Variants in GRIN3A observed in about 807,000 individuals in gnomAD.
GRIN3A encodes the protein glutamate ionotropic receptor NMDA type subunit 3A.
In GRIN3A, 47 loss-of-function variants were observed where a neutral mutation model predicts 92.4. That is an observed-to-expected ratio of 0.51 (90% CI 0.40 to 0.65). GRIN3A has a LOEUF of 0.65. GRIN3A is among the 30% of genes least tolerant of loss of function. The pLI is 0.00. For synonymous variants in GRIN3A, 527 were observed against 540.6 expected, an observed-to-expected ratio of 0.97 and a Z score of 0.35; for missense variants, 1,324 against 1,393.1, an observed-to-expected ratio of 0.95 and a Z score of 0.79.
At chr9:101,697,006 G>A (rs558983409) in intron 1 of GRIN3A, among the ~76,000 whole-genome samples, 3 of 151,980 alleles carry the variant, frequency 2.0e-5, no homozygotes, top group African/African-American at 4.8e-5. Flanking sequence ...TATATATATT[G>A]GTTTATCACT....
At chr9:101,573,773 A>ATTTTTTTTTT (rs5899448) in intron 8 of GRIN3A, among the ~76,000 whole-genome samples, 1 of 92,602 alleles carries the variant, frequency 1.1e-5, no homozygotes, top group Non-Finnish European at 2.1e-5. Context: ...GGTATGGTGC[A>ATTTTTTTTTT]TTTTTTTTTT....
At chr9:101,732,527 G>A (rs999630547) in intron 1 of GRIN3A, among the ~76,000 whole-genome samples, 3 of 152,096 alleles carry the variant, frequency 2.0e-5, no homozygotes, top group African/African-American at 7.2e-5. Flanking sequence ...CCAGGCAAGT[G>A]TGCAACCTAC....
At chr9:101,613,747 G>A (rs1682444469) in intron 5 of GRIN3A, among the ~76,000 whole-genome samples, 1 of 152,148 alleles carries the variant, frequency 6.6e-6, no homozygotes, top group African/African-American at 2.4e-5. Flanking sequence ...GAGAGGAATG[G>A]GCTGTGCACA....
chr9:101,685,664 T>C (rs1480404138), intron 2 of GRIN3A, among the ~76,000 whole-genome samples: 2 of 151,778 alleles, frequency 1.3e-5, no homozygotes, highest in African/African-American at 4.8e-5. Flanking sequence ...TTCTGAATCA[T>C]ATTGAGGAAC....
chr9:101,702,859 C>G (rs1024862151), intron 1 of GRIN3A, among the ~76,000 whole-genome samples: 2 of 152,198 alleles, frequency 1.3e-5, no homozygotes, highest in Non-Finnish European at 2.9e-5. Context: ...ACCAACTGCT[C>G]AGGCCAAAAA....
intron 6 of GRIN3A, among the ~76,000 whole-genome samples, chr9:101,611,926 A>C (rs187056699): frequency 1.3e-5 from 2 of 152,260 alleles, no homozygotes; most frequent in Non-Finnish European, 2.9e-5. Context: ...CAGAGGATGG[A>C]GTATTTGAGG....
chr9:101,702,602 C>A (rs117760148), intron 1 of GRIN3A, among the ~76,000 whole-genome samples: 17 of 152,208 alleles, frequency 1.1e-4, no homozygotes, highest in African/African-American at 4.1e-4. Flanking sequence ...ACTGTCTTTG[C>A]CTCTCTTCTT....
intron 6 of GRIN3A, among the ~76,000 whole-genome samples, chr9:101,601,643 G>A (rs1305201823): frequency 6.6e-6 from 1 of 152,110 alleles, no homozygotes; most frequent in Non-Finnish European, 1.5e-5. Context: ...AAACCTGTAG[G>A]GCAACCCTTG....
chr9:101,600,522 G>C (rs1294544220), intron 6 of GRIN3A, among the ~76,000 whole-genome samples: 2 of 152,150 alleles, frequency 1.3e-5, no homozygotes, highest in Non-Finnish European at 2.9e-5. Context: ...CATGGTACCA[G>C]GAGAGTTTGG....
chr9:101,597,294 C>A (rs1250641531), intron 6 of GRIN3A, among the ~76,000 whole-genome samples: 1 of 152,090 alleles, frequency 6.6e-6, no homozygotes, highest in African/African-American at 2.4e-5. Flanking sequence ...TCCATTTGAA[C>A]CTCATGGATG....
chr9:101,640,137 C>T (rs766083035), intron 3 of GRIN3A, among the ~76,000 whole-genome samples: 12 of 152,096 alleles, frequency 7.9e-5, no homozygotes, highest in Non-Finnish European at 1.6e-4. Context: ...ATACATATAC[C>T]ATATATACTA....
chr9:101,695,855 T>C (rs951393079), intron 1 of GRIN3A, among the ~76,000 whole-genome samples: 7 of 152,236 alleles, frequency 4.6e-5, no homozygotes, highest in African/African-American at 1.7e-4. Context: ...CTGAATCAAG[T>C]GGAGCCAAGC....
intron 2 of GRIN3A, among the ~76,000 whole-genome samples, chr9:101,684,110 C>T (rs1432619976): frequency 1.7e-4 from 23 of 135,056 alleles, no homozygotes; most frequent in African/African-American, 4.6e-4. Flanking sequence ...TTCTTTCTTT[C>T]TTTCTTTCTT....
chr9:101,678,083 C>T (rs967022471), intron 2 of GRIN3A, among the ~76,000 whole-genome samples: 2 of 152,098 alleles, frequency 1.3e-5, no homozygotes, highest in African/African-American at 4.8e-5. Context: ...TATCTAAGTA[C>T]CTATCTCACT....
At chr9:101,674,477 A>G (rs1229876325) in intron 2 of GRIN3A, among the ~76,000 whole-genome samples, 1 of 140,060 alleles carries the variant, frequency 7.1e-6, no homozygotes. Context: ...TTGTTTTCAA[A>G]AAGGAAAGCA....
chr9:101,645,472 T>C (rs1396872129), intron 3 of GRIN3A, among the ~76,000 whole-genome samples: 3 of 151,874 alleles, frequency 2.0e-5, no homozygotes, highest in Non-Finnish European at 1.5e-5. Flanking sequence ...ATACATTTCT[T>C]TGATATACTG....
intron 1 of GRIN3A, among the ~76,000 whole-genome samples, chr9:101,713,832 T>G (rs1829911137): frequency 6.6e-6 from 1 of 151,952 alleles, no homozygotes. Context: ...TCCCAGCACT[T>G]TGGGAGGCAG....
At chr9:101,683,844 C>CAG (rs1463284059) in intron 2 of GRIN3A, among the ~76,000 whole-genome samples, 4 of 79,082 alleles carry the variant, frequency 5.1e-5, no homozygotes, top group Admixed American at 1.5e-4. Flanking sequence ...GAGAGAGAGA[C>CAG]AGTGAGAGAG....
At chr9:101,666,459 A>G (rs1676455135) in intron 3 of GRIN3A, among the ~76,000 whole-genome samples, 1 of 151,952 alleles carries the variant, frequency 6.6e-6, no homozygotes, top group Non-Finnish European at 1.5e-5. Context: ...TCATGGACAC[A>G]TAGAGGGGAA....
Sources: gnomAD v4.1 joint callset for allele counts (sites outside exome capture counted in the v4.1 genomes callset) on GRCh38, gnomAD v4.1.1 for gene constraint, MANE v1.5 for transcripts, NCBI Gene and HGNC (gene_info 2026-07-23, HGNC 2026-07-21) for gene names.